ZNF254: variants seen among roughly 807,000 people sequenced by gnomAD.
ZNF254 encodes zinc finger protein 254.
Under a neutral mutation model 12.4 loss-of-function variants are expected in ZNF254, and 10 were observed. The ratio of observed to expected loss-of-function variants is 0.80; its 90% CI spans 0.50 to 1.36. The LOEUF is 1.36. Ranked by LOEUF, ZNF254 falls within the 40% of genes most tolerant of loss-of-function variation. The pLI is 0.00. For synonymous variants in ZNF254, 305 were observed against 253.4 expected (o/e 1.20, Z -1.93); for missense variants, 996 against 763.9 (o/e 1.30, Z -3.58).
intron 2 of ZNF254, among the ~76,000 whole-genome samples, chr19:24,058,744 C>G (rs921470783): frequency 3.9e-5 from 6 of 152,064 alleles, no homozygotes; most frequent in Non-Finnish European, 1.5e-5. Flanking sequence ...TGGTGCTGAC[C>G]ACAGTGAGCA....
At position 24,106,077 on chromosome 19, in the gene ZNF254, C is replaced by T. The variant is rs373470812; in HGVS notation, c.157+11C>T. 6.4e-7 allele frequency: 1 copy of T among 1,570,688 alleles called. No individual in the cohort carries two copies. On this transcript the variant is annotated intron_variant, in intron 2 of 3. Coordinates refer to ENST00000357002, the MANE Select transcript of ZNF254 (RefSeq NM_203282.4). ...ACCTGGCCTTCCTGGGTGAGGATAA[C>T]TTTAATACAAAATTCCTCACATAAA...
chr19:24,113,289 A>G (rs868364563), intron 3 of ZNF254, among the ~76,000 whole-genome samples: 2 of 152,230 alleles, frequency 1.3e-5, no homozygotes, highest in Non-Finnish European at 2.9e-5. Flanking sequence ...TCAATAAAAT[A>G]CTGGCAAACT....
chr19:24,070,616 G>A (rs1191022401), intron 2 of ZNF254, among the ~76,000 whole-genome samples: 1 of 152,102 alleles, frequency 6.6e-6, no homozygotes, highest in Non-Finnish European at 1.5e-5. Flanking sequence ...CCTCCAAATG[G>A]TCTTGCCTCT....
chr19:24,068,837 T>G (rs1179219698), intron 2 of ZNF254, among the ~76,000 whole-genome samples: 1 of 152,186 alleles, frequency 6.6e-6, no homozygotes, highest in African/African-American at 2.4e-5. Context: ...AACCAGGCAA[T>G]AAAAGAGTTA....
intron 1 of ZNF254, among the ~76,000 whole-genome samples, chr19:24,096,086 G>GTTTTTTTTT: frequency 7.1e-6 from 1 of 141,576 alleles, no homozygotes. Flanking sequence ...TTAAGATGGA[G>GTTTTTTTTT]TTTTACTCTT....
Position 24,127,188 on chromosome 19 carries a change from T to C in ZNF254, c.1188T>C (p.His396=). The C allele has an allele frequency of 6.2e-7, 1 of 1,613,262 alleles. No homozygotes were observed. The highest frequency in any genetic ancestry group is 8.5e-7 in the Non-Finnish European group (1 of 1,179,708). Reference sequence around the variant, plus strand: ...AGCAACTCTCAACTCTTACTACACATAAAATAATTCATGTTGGAGAGAAAC... The same window carrying C: ...AGCAACTCTCAACTCTTACTACACACAAAATAATTCATGTTGGAGAGAAAC... The part of the protein sequence containing the change: ...AFKQLSTLTT[H]KIIHVGEKLY... The change falls in exon 4 of 4, where the codon CAT becomes CAC. Residue 396 remains histidine (H), a synonymous_variant. Coordinates refer to ENST00000357002, the MANE Select transcript of ZNF254 (RefSeq NM_203282.4).
intron 2 of ZNF254, among the ~76,000 whole-genome samples, chr19:24,072,379 C>T (rs555101739): frequency 6.6e-6 from 1 of 152,074 alleles, no homozygotes; most frequent in Non-Finnish European, 1.5e-5. Context: ...GCCATGTTGG[C>T]CAGGCTGGTC....
chr19:24,127,003 TCAACA>T lies in ZNF254; in HGVS notation c.1005_1009del (p.Thr336AsnfsTer2), dbSNP rs748995833. The T allele has an allele frequency of 6.2e-7, 1 of 1,613,412 alleles. No individual in the cohort carries two copies. Among genetic ancestry groups the T allele is most frequent in the Non-Finnish European group, 8.5e-7 (1 of 1,179,840 alleles). ...ATGTGGCAAAGCATTTATATGGTCC[TCAACA>T]CTAACTAGACATAAGAGGATGCACA... On this transcript the variant is annotated frameshift_variant, in exon 4 of 4. Coordinates refer to ENST00000357002, the MANE Select transcript of ZNF254 (RefSeq NM_203282.4). LOFTEE classifies it low-confidence loss of function (END_TRUNC).
chr19:24,116,222 C>G (rs1365914874), intron 3 of ZNF254, among the ~76,000 whole-genome samples: 3 of 151,962 alleles, frequency 2.0e-5, no homozygotes, highest in African/African-American at 7.3e-5. Context: ...CTCTGTATTT[C>G]CTGAATCTGA....
chr19:24,089,223 G>A (rs1041019097), intron 1 of ZNF254, among the ~76,000 whole-genome samples: 15 of 152,054 alleles, frequency 9.9e-5, no homozygotes, highest in African/African-American at 2.9e-4. Context: ...TGATACGCCC[G>A]CCTTGGCCTC....
At chr19:24,121,937 G>A (rs1312880248) in intron 3 of ZNF254, among the ~76,000 whole-genome samples, 1 of 151,892 alleles carries the variant, frequency 6.6e-6, no homozygotes. Context: ...TTGTAGATGA[G>A]TAGTTATAAA....
intron 3 of ZNF254, among the ~76,000 whole-genome samples, chr19:24,120,517 GCAT>G (rs1409108500): frequency 6.6e-6 from 1 of 151,962 alleles, no homozygotes; most frequent in Non-Finnish European, 1.5e-5. Context: ...AGGGTTTTAT[GCAT>G]CATCATTATG....
chr19:24,045,139 A>G (rs1219748703), intron 1 of ZNF254, among the ~76,000 whole-genome samples: 1 of 152,098 alleles, frequency 6.6e-6, no homozygotes, highest in Non-Finnish European at 1.5e-5. Context: ...GACTCCAAGC[A>G]CATCCAGGAA....
intron 1 of ZNF254, among the ~76,000 whole-genome samples, chr19:24,042,028 G>T (rs1970187709): frequency 7.3e-6 from 1 of 137,898 alleles, no homozygotes; most frequent in Non-Finnish European, 1.6e-5. Flanking sequence ...GCTCTGGTGA[G>T]GACGTGGAGA....
chr19:24,125,539 T>C lies in ZNF254; in HGVS notation c.254-715T>C, dbSNP rs568392706. Among the ~76,000 whole-genome samples, 9 of 152,298 alleles carry C rather than the reference T, an allele frequency of 5.9e-5. No homozygotes were observed. The East Asian group carries it at 1.7e-3, about 29-fold the overall frequency. On this transcript the variant is annotated intron_variant, in intron 3 of 3. Transcript: ENST00000357002. ...AAAAAAGCTACTTGTCAAAATCTTATAATGTAGCTTTGTCATGGCATATTC... is the reference window on the plus strand; with the variant it reads ...AAAAAAGCTACTTGTCAAAATCTTACAATGTAGCTTTGTCATGGCATATTC...
intron 3 of ZNF254, among the ~76,000 whole-genome samples, chr19:24,116,413 C>A (rs1266689137): frequency 6.6e-6 from 1 of 151,956 alleles, no homozygotes; most frequent in African/African-American, 2.4e-5. Context: ...TCTTTTTTCT[C>A]TAAACTTCCC....
chr19:24,055,564 A>C (rs1970820550), intron 2 of ZNF254, among the ~76,000 whole-genome samples: 1 of 152,160 alleles, frequency 6.6e-6, no homozygotes. Flanking sequence ...GGTGTGAGCC[A>C]CTGCAGCCGG....
intron 2 of ZNF254, among the ~76,000 whole-genome samples, chr19:24,068,972 C>T (rs566286843): frequency 1.6e-3 from 241 of 152,180 alleles, no homozygotes; most frequent in African/African-American, 5.6e-3. Flanking sequence ...CAGAGAGTGT[C>T]ATCAAGGGAC....
chr19:24,087,605 G>T (rs1374432684), intron 1 of ZNF254, among the ~76,000 whole-genome samples: 1 of 152,194 alleles, frequency 6.6e-6, no homozygotes, highest in Non-Finnish European at 1.5e-5. Flanking sequence ...CTCCCAGATT[G>T]TTCAGGGACC....
Sources: allele counts gnomAD v4.1 joint callset (sites outside exome capture counted in the v4.1 genomes callset), GRCh38; gene constraint gnomAD v4.1.1; transcripts MANE v1.5; gene names NCBI Gene and HGNC (gene_info 2026-07-23, HGNC 2026-07-21).